RBM19: variants seen among roughly 807,000 people sequenced by gnomAD.
RBM19 encodes the protein RNA binding motif protein 19, also known as probable RNA-binding protein 19.
RBM19 carries 94 observed loss-of-function variants against 116.8 expected under a neutral mutation model. The observed-to-expected ratio is 0.80, with a 90% CI of 0.68 to 0.95. RBM19 has a LOEUF of 0.95. Ranked by LOEUF, RBM19 falls within the 40% of genes least tolerant of loss-of-function variation. RBM19 has a pLI of 0.00. For synonymous variants in RBM19, 475 were observed against 494.1 expected (o/e 0.96, Z 0.51); for missense variants, 1,161 against 1,220.7 (o/e 0.95, Z 0.73).
chr12:113,949,977 G>A (rs1295094487), intron 9 of RBM19, 106 bp downstream of exon 9: 5 of 1,032,174 alleles, frequency 4.8e-6, no homozygotes, highest in Non-Finnish European at 7.3e-6. Flanking sequence ...CAGAGACACT[G>A]CATTCTTGGT....
intron 23 of RBM19, among the ~76,000 whole-genome samples, chr12:113,833,136 C>T (rs1382328544): frequency 6.6e-6 from 1 of 152,166 alleles, no homozygotes; most frequent in African/African-American, 2.4e-5. Context: ...CAGAACACCC[C>T]CGCCCAGCCA....
chr12:113,899,896 AG>A (rs1468259308), intron 21 of RBM19, among the ~76,000 whole-genome samples: 1 of 152,144 alleles, frequency 6.6e-6, no homozygotes, highest in Non-Finnish European at 1.5e-5. Flanking sequence ...GCCCAGACAA[AG>A]CACAGAGACC....
chr12:113,908,234 G>C (rs1361522334), intron 21 of RBM19, among the ~76,000 whole-genome samples: 1 of 152,150 alleles, frequency 6.6e-6, no homozygotes, highest in Non-Finnish European at 1.5e-5. Context: ...GCAGATGAAA[G>C]GGCTCAAAGG....
At chr12:113,911,002 AAC>A (rs1337945350) in intron 21 of RBM19, among the ~76,000 whole-genome samples, 1 of 152,134 alleles carries the variant, frequency 6.6e-6, no homozygotes, top group African/African-American at 2.4e-5. Context: ...AACATGGCAA[AAC>A]ACACATGTGC....
At chr12:113,889,678 AAAAAAAC>A (rs1346829866) in intron 21 of RBM19, among the ~76,000 whole-genome samples, 3 of 152,002 alleles carry the variant, frequency 2.0e-5, no homozygotes, top group Non-Finnish European at 4.4e-5. Context: ...AACAACAAAA[AAAAAAAC>A]AAAAAGACCC....
At chr12:113,871,364 G>A (rs1038552606) in intron 21 of RBM19, among the ~76,000 whole-genome samples, 2 of 152,232 alleles carry the variant, frequency 1.3e-5, no homozygotes, top group Admixed American at 6.5e-5. Context: ...GAGTTGAAAA[G>A]GGCACTGGGA....
intron 21 of RBM19, among the ~76,000 whole-genome samples, chr12:113,911,911 T>C (rs1311443719): frequency 6.6e-6 from 1 of 152,120 alleles, no homozygotes; most frequent in South Asian, 2.1e-4. Flanking sequence ...GAAACTGAAG[T>C]CCGAAAAGAG....
At chr12:113,933,294 C>T (rs1032529132) in intron 16 of RBM19, among the ~76,000 whole-genome samples, 2 of 143,288 alleles carry the variant, frequency 1.4e-5, no homozygotes, top group African/African-American at 2.6e-5. Context: ...TCGTTGTCCT[C>T]GTACAACGGG....
At chr12:113,890,953 C>A (rs1368610035) in intron 21 of RBM19, among the ~76,000 whole-genome samples, 1 of 152,178 alleles carries the variant, frequency 6.6e-6, no homozygotes, top group South Asian at 2.1e-4. Flanking sequence ...TACCACTATG[C>A]CTGGCTAATA....
At chr12:113,816,745 T>C (rs1874051993) in exon 25 of RBM19, 1 of 152,186 alleles carries the variant, frequency 6.6e-6, no homozygotes, top group African/African-American at 2.4e-5. Flanking sequence ...AAGCATTCTA[T>C]TAATCTTTTA....
intron 21 of RBM19, among the ~76,000 whole-genome samples, chr12:113,882,203 G>A (rs947533603): frequency 1.3e-5 from 2 of 152,214 alleles, no homozygotes; most frequent in Non-Finnish European, 2.9e-5. Flanking sequence ...ATGGCTTGGG[G>A]TGAAAAGAAA....
At chr12:113,886,506 A>T (rs1386121090) in intron 21 of RBM19, among the ~76,000 whole-genome samples, 2 of 152,152 alleles carry the variant, frequency 1.3e-5, no homozygotes, top group African/African-American at 4.8e-5. Context: ...GCTTTTTTGA[A>T]TAAGTAATCA....
At chr12:113,912,483 G>C (rs577785857) in intron 21 of RBM19, among the ~76,000 whole-genome samples, 4 of 152,206 alleles carry the variant, frequency 2.6e-5, no homozygotes, top group South Asian at 4.1e-4. Flanking sequence ...CGGGGCTCTG[G>C]GTTAGGCTGA....
chr12:113,856,896 G>A (rs974283698), intron 22 of RBM19, among the ~76,000 whole-genome samples: 1 of 152,206 alleles, frequency 6.6e-6, no homozygotes, highest in African/African-American at 2.4e-5. Flanking sequence ...ACGAGGGGAG[G>A]AAACTGAGGC....
chr12:113,914,048 C>T (rs1882619828), intron 21 of RBM19, among the ~76,000 whole-genome samples: 1 of 152,220 alleles, frequency 6.6e-6, no homozygotes, highest in Non-Finnish European at 1.5e-5. Context: ...GTGGTGCCTA[C>T]CTAATCTGAA....
chr12:113,835,404 C>A (rs1875787643), intron 23 of RBM19, among the ~76,000 whole-genome samples: 1 of 152,178 alleles, frequency 6.6e-6, no homozygotes, highest in Non-Finnish European at 1.5e-5. Flanking sequence ...ATCTTAATTG[C>A]ACACGTGAGC....
intron 21 of RBM19, among the ~76,000 whole-genome samples, chr12:113,861,716 T>G (rs1218823161): frequency 1.3e-5 from 2 of 151,924 alleles, no homozygotes; most frequent in Non-Finnish European, 2.9e-5. Context: ...AAAACGCTGT[T>G]GAGGAGAGGC....
rs576566146 is a variant in RBM19, at chr12:113,866,954, G to A, written c.2559-8058C>T. On this transcript the variant is annotated intron_variant, in intron 21 of 23. Transcript: ENST00000261741. ...GTCTGTGGGCTGCCTTGGGTACCAC[G>A]TCCTACATTTGGGCTCCATTCTGAT... Among the ~76,000 whole-genome samples, 7 of 152,340 alleles carry A rather than the reference G, an allele frequency of 4.6e-5. No individual in the cohort carries two copies. The South Asian group carries it at 6.2e-4, about 14-fold the overall frequency.
chr12:113,849,555 A>G (rs1311459329), intron 22 of RBM19, among the ~76,000 whole-genome samples: 1 of 152,216 alleles, frequency 6.6e-6, no homozygotes, highest in Admixed American at 6.5e-5. Flanking sequence ...GCCTTTTGAA[A>G]CGATACACAA....
Sources: gnomAD v4.1 joint callset for allele counts (sites outside exome capture counted in the v4.1 genomes callset) on GRCh38, gnomAD v4.1.1 for gene constraint, MANE v1.5 for transcripts, NCBI Gene and HGNC (gene_info 2026-07-23, HGNC 2026-07-21) for gene names.